Variants in CHRNA9 observed in about 807,000 individuals in gnomAD.
CHRNA9 encodes cholinergic receptor nicotinic alpha 9 subunit.
Under a neutral mutation model 36.8 loss-of-function variants are expected in CHRNA9, and 24 were observed. That is an observed-to-expected ratio of 0.65 (90% CI 0.47 to 0.92). The LOEUF is 0.92. Ranked by LOEUF, CHRNA9 falls within the 40% of genes least tolerant of loss-of-function variation. The probability of loss-of-function intolerance (pLI) is 0.00; values close to 1 mark genes in which losing one functional copy is unlikely to be tolerated. For synonymous variants in CHRNA9, 231 were observed against 231.8 expected (o/e 1.00, Z 0.03); for missense variants, 610 against 601.2 (o/e 1.01, Z -0.15).
At chr4:40,336,111 G>T in intron 2 of CHRNA9, 139 bp downstream of exon 2, 1 of 727,384 alleles carries the variant, frequency 1.4e-6, no homozygotes, top group East Asian at 2.5e-5. Context: ...AGAGAATGTC[G>T]GGAAAAGGAA....
intron 3 of CHRNA9, among the ~76,000 whole-genome samples, chr4:40,342,778 A>G (rs1712533449): frequency 6.6e-6 from 1 of 152,048 alleles, no homozygotes; most frequent in Non-Finnish European, 1.5e-5. Flanking sequence ...GGCCAGGGAG[A>G]AAAGGAGTTT....
chr4:40,336,282 T>C (rs1028389299), intron 2 of CHRNA9, among the ~76,000 whole-genome samples: 3 of 152,088 alleles, frequency 2.0e-5, no homozygotes, highest in South Asian at 2.1e-4. Context: ...GAAAACGGCA[T>C]AGAGGTTGCC....
Position 40,354,036 on chromosome 4 carries a change from T to C in CHRNA9, c.956T>C (p.Met319Thr), listed in dbSNP as rs150084809. The change falls in exon 5 of 5, where the codon ATG becomes ACG. Residue 319 changes from methionine to threonine, a missense_variant. Met to Thr is a moderately conservative substitution (Grantham distance 81). Transcript: ENST00000310169. ...LITASTALTI[M>T]VMNIHFCGAE... ...ACAGCCTCCACTGCGTTGACCATCA[T>C]GGTGATGAATATCCACTTCTGTGGG... 6.6e-4 allele frequency: 1,068 copies of C among 1,614,196 alleles called. 2 individuals carry two copies. Among genetic ancestry groups the C allele is most frequent in the Non-Finnish European group, 8.5e-4 (1,000 of 1,180,004 alleles).
chr4:40,340,783 G>A (rs1354349849), intron 3 of CHRNA9, among the ~76,000 whole-genome samples: 5 of 151,960 alleles, frequency 3.3e-5, no homozygotes, highest in African/African-American at 4.8e-5. Context: ...AAGGAGATGG[G>A]CCTGGATGCC....
At chr4:40,347,498 G>A (rs949505872) in intron 3 of CHRNA9, among the ~76,000 whole-genome samples, 1 of 152,132 alleles carries the variant, frequency 6.6e-6, no homozygotes, top group African/African-American at 2.4e-5. Flanking sequence ...TGAAAAGAAT[G>A]TTGTAGAAGA....
At chr4:40,347,543 T>G (rs1456464477) in intron 3 of CHRNA9, among the ~76,000 whole-genome samples, 1 of 152,224 alleles carries the variant, frequency 6.6e-6, no homozygotes, top group Non-Finnish European at 1.5e-5. Flanking sequence ...TTAAAAATTT[T>G]GTCTCATCTT....
chr4:40,349,338 C>T lies in CHRNA9; in HGVS notation c.822C>T (p.Thr274=), dbSNP rs544093417. The change falls in exon 4 of 5, where the codon ACC becomes ACT. Residue 274 remains threonine, a synonymous_variant. Coordinates refer to ENST00000310169, the MANE Select transcript of CHRNA9 (RefSeq NM_017581.4). ...GAGAAAAGGTCTCCCTGGGAGTGAC[C>T]ATCCTGTTGGCCATGACTGTATTTC... ...ASGEKVSLGV[T]ILLAMTVFQL... 5.6e-6 allele frequency: 9 copies of T among 1,614,066 alleles called. No individual in the cohort carries two copies. Among genetic ancestry groups the T allele is most frequent in the Admixed American group, 1.7e-5 (1 of 60,016 alleles).
chr4:40,340,973 C>CAAAAAAAAAAAAAAA, intron 3 of CHRNA9, among the ~76,000 whole-genome samples: 1 of 64,968 alleles, frequency 1.5e-5, no homozygotes, highest in Non-Finnish European at 3.4e-5. Context: ...ATAAGCTCTC[C>CAAAAAAAAAAAAAAA]AAAAAAAAAA....
In CHRNA9 at chr4:40,354,231, C is replaced by A; in HGVS notation, c.1151C>A (p.Ala384Glu). The change falls in exon 5 of 5, where the codon GCA becomes GAA. Residue 384 changes from alanine (A) to glutamate (E), a missense_variant. By Grantham distance (107) the Ala-to-Glu change is moderately radical. Transcript: ENST00000310169. ...AAACTCCCAGAGTCTAACCTGAAAG[C>A]AGCCAGGAACAAAGACCTTTCCAGA... ...YSKLPESNLK[A>E]ARNKDLSRKK... The A allele has an allele frequency of 6.2e-7, 1 of 1,614,230 alleles. No individual in the cohort carries two copies. Among genetic ancestry groups the A allele is most frequent in the Non-Finnish European group, 8.5e-7 (1 of 1,180,036 alleles).
intron 3 of CHRNA9, 124 bp from the exon 4 acceptor site, chr4:40,348,758 T>A (rs1309007674): frequency 1.1e-6 from 1 of 888,320 alleles, no homozygotes; most frequent in Non-Finnish European, 1.7e-6. Flanking sequence ...CGAGCCACAG[T>A]GACAGGCAAA....
At position 40,354,004 on chromosome 4, in the gene CHRNA9, C is replaced by A; in HGVS notation, c.924C>A (p.Ala308=). 6.2e-7 allele frequency: 1 copy of A among 1,609,400 alleles called. No individual in the cohort carries two copies. Among genetic ancestry groups the A allele is most frequent in the Non-Finnish European group, 8.5e-7 (1 of 1,176,724 alleles). ...GTAAATACTACATAGCCACGATGGC[C>A]CTGATCACAGCCTCCACTGCGTTGA... ...LIGKYYIATM[A]LITASTALTI... The change falls in exon 5 of 5, where the codon GCC becomes GCA. Residue 308 remains alanine (A), a synonymous_variant. Coordinates refer to ENST00000310169, the MANE Select transcript of CHRNA9 (RefSeq NM_017581.4).
At chr4:40,348,529 C>G (rs1234946960) in intron 3 of CHRNA9, among the ~76,000 whole-genome samples, 1 of 152,034 alleles carries the variant, frequency 6.6e-6, no homozygotes, top group Non-Finnish European at 1.5e-5. Context: ...ATTCTAGTGC[C>G]TAAAGTTAAC....
At chr4:40,336,311 G>A (rs1439121012) in intron 2 of CHRNA9, among the ~76,000 whole-genome samples, 4 of 152,142 alleles carry the variant, frequency 2.6e-5, no homozygotes, top group Non-Finnish European at 4.4e-5. Flanking sequence ...TGGGGAGGAC[G>A]GGGAAAACGG....
chr4:40,344,652 A>G (rs1420094309), intron 3 of CHRNA9, among the ~76,000 whole-genome samples: 2 of 152,180 alleles, frequency 1.3e-5, no homozygotes, highest in Non-Finnish European at 2.9e-5. Context: ...TATAATGCCC[A>G]TTTTTACAGG....
chr4:40,339,887 G>A (rs966458894), intron 3 of CHRNA9, among the ~76,000 whole-genome samples: 8 of 151,662 alleles, frequency 5.3e-5, no homozygotes, highest in Admixed American at 2.0e-4. Context: ...GGCTGGTTTC[G>A]AACTCCTGGG....
intron 3 of CHRNA9, among the ~76,000 whole-genome samples, chr4:40,346,948 C>T (rs1712652821): frequency 6.6e-6 from 1 of 151,844 alleles, no homozygotes; most frequent in Non-Finnish European, 1.5e-5. Flanking sequence ...GTAGCTGGGA[C>T]TACAGGTGCG....
rs761815662 is a variant in CHRNA9 at position 40,354,122 on chromosome 4, G to T, written c.1042G>T (p.Val348Phe). 1.1e-5 allele frequency: 17 copies of T among 1,614,092 alleles called. No homozygotes were observed. The East Asian group carries it at 3.1e-4, about 30-fold the overall frequency. The change falls in exon 5 of 5, where the codon GTC becomes TTC. Residue 348 changes from valine to phenylalanine, a missense_variant. Val to Phe is a conservative substitution (Grantham distance 50). Coordinates refer to ENST00000310169, the MANE Select transcript of CHRNA9 (RefSeq NM_017581.4). ...RVVILKYMSR[V>F]LFVYDVGESC... The stretch of plus-strand genomic sequence containing the variant: ...GGTCATCCTGAAATACATGTCCAGG[G>T]TCTTGTTTGTCTATGATGTGGGTGA...
intron 4 of CHRNA9, among the ~76,000 whole-genome samples, chr4:40,351,516 A>C (rs1387967156): frequency 6.6e-6 from 1 of 152,018 alleles, no homozygotes; most frequent in African/African-American, 2.4e-5. Flanking sequence ...AGATCTCTTG[A>C]GAACATTTAT....
At chr4:40,350,059 T>A (rs891832289) in intron 4 of CHRNA9, 2 of 152,314 alleles carry the variant, frequency 1.3e-5, no homozygotes, top group African/African-American at 2.4e-5. Flanking sequence ...CAGTGACTAC[T>A]GTTATCATTT....
Sources: allele counts gnomAD v4.1 joint callset (sites outside exome capture counted in the v4.1 genomes callset), GRCh38; gene constraint gnomAD v4.1.1; transcripts MANE v1.5; gene names NCBI Gene and HGNC (gene_info 2026-07-23, HGNC 2026-07-21).